The following TTC23 variants were observed in gnomAD, a reference collection of about 807,000 sequenced individuals.
TTC23 encodes the protein tetratricopeptide repeat protein 23.
In TTC23, 58 loss-of-function variants were observed where a neutral mutation model predicts 55.1. That is an observed-to-expected ratio of 1.05 (90% CI 0.85 to 1.31). TTC23 has a LOEUF of 1.31. TTC23 is among the 50% of genes most tolerant of loss of function. The pLI, the probability that TTC23 is intolerant of heterozygous loss-of-function variation, is 0.00. For missense variants in TTC23, 516 were observed against 534.4 expected (o/e 0.97, Z 0.34); for synonymous variants, 203 against 199.9 (o/e 1.02, Z -0.13).
At chr15:99,220,093 C>T (rs563330865) in intron 6 of TTC23, among the ~76,000 whole-genome samples, 1 of 152,134 alleles carries the variant, frequency 6.6e-6, no homozygotes, top group Admixed American at 6.6e-5. Context: ...CTGAAGGAAC[C>T]TGAACTCAAT....
chr15:99,194,297 G>A (rs964821840), intron 9 of TTC23, among the ~76,000 whole-genome samples: 1 of 152,058 alleles, frequency 6.6e-6, no homozygotes, highest in Non-Finnish European at 1.5e-5. Flanking sequence ...AATAGCCAAT[G>A]AAATATGGAA....
At chr15:99,199,849 C>A in intron 9 of TTC23, 70 bp downstream of exon 9, 1 of 1,446,150 alleles carries the variant, frequency 6.9e-7, no homozygotes. Context: ...TTCAGAGCTG[C>A]TGTGCCACTT....
rs562399689 is a variant in TTC23 at position 99,228,011 on chromosome 15, TC to T, written c.180+521del. ...TCTATCTTCCCAACCAAATCCCGAG[TC>T]CCTCCAAGACAAAGACTGTGGCTTT... On this transcript the variant is annotated intron_variant, in intron 5 of 13. Transcript: ENST00000394132. Among the ~76,000 whole-genome samples the T allele has an allele frequency of 1.0e-3, 159 of 152,126 alleles. 1 individual carries two copies. The highest frequency in any genetic ancestry group is 3.7e-3 in the African/African-American group (152 of 41,480).
intron 10 of TTC23, among the ~76,000 whole-genome samples, chr15:99,163,211 G>C (rs1446909882): frequency 2.0e-5 from 3 of 152,220 alleles, no homozygotes; most frequent in Admixed American, 1.3e-4. Flanking sequence ...GCTGGTAGCA[G>C]AAAAGGAAGT....
chr15:99,190,115 G>C (rs2075102790), intron 9 of TTC23, among the ~76,000 whole-genome samples: 1 of 152,060 alleles, frequency 6.6e-6, no homozygotes, highest in Admixed American at 6.6e-5. Flanking sequence ...GGGAGGGCGA[G>C]GCTGCAGTGA....
chr15:99,150,952 C>T (rs542872877), intron 12 of TTC23, among the ~76,000 whole-genome samples: 9 of 152,314 alleles, frequency 5.9e-5, no homozygotes, highest in Non-Finnish European at 1.2e-4. Context: ...ACCCACCAGC[C>T]TGGGAATTCC....
chr15:99,165,752 T>C (rs1228859823), intron 10 of TTC23, among the ~76,000 whole-genome samples: 3 of 152,216 alleles, frequency 2.0e-5, no homozygotes, highest in Non-Finnish European at 4.4e-5. Flanking sequence ...GAGAAAACGT[T>C]GCAGATTTAA....
intron 12 of TTC23, among the ~76,000 whole-genome samples, chr15:99,145,875 G>C (rs1281029607): frequency 6.6e-6 from 1 of 152,116 alleles, no homozygotes; most frequent in Non-Finnish European, 1.5e-5. Flanking sequence ...GGAGATGAAG[G>C]AGAAAGGGGG....
chr15:99,219,180 G>A, intron 6 of TTC23, 132 bp from the exon 7 acceptor site: 1 of 1,016,830 alleles, frequency 9.8e-7, no homozygotes, highest in South Asian at 1.9e-5. Context: ...ACGTATCTGG[G>A]CAGCATGAAA....
At position 99,218,584 on chromosome 15, in the gene TTC23, T is replaced by A; in HGVS notation, c.581+4A>T. 1.2e-6 allele frequency: 2 copies of A among 1,614,152 alleles called. No individual in the cohort carries two copies. Among genetic ancestry groups the A allele is most frequent in the South Asian group, 1.1e-5 (1 of 91,074 alleles). ...GTATGCAAAATCCTAAACTTGAAAC[T>A]TACTGTGCAAATGATAATCTGATCC... On this transcript the variant is annotated splice_donor_region_variant and intron_variant, in intron 8 of 13. Coordinates refer to ENST00000394132, the MANE Select transcript of TTC23 (RefSeq NM_001288615.3).
intron 11 of TTC23, 66 bp downstream of exon 11, chr15:99,161,674 G>A: frequency 6.4e-7 from 1 of 1,550,754 alleles, no homozygotes; most frequent in South Asian, 1.2e-5. Context: ...TGCTTGCAGA[G>A]TAAAGGAGTT....
At position 99,137,888 on chromosome 15, in the gene TTC23, A is replaced by G; in HGVS notation, c.*122T>C. 1 of 1,493,352 alleles carries G rather than the reference A, an allele frequency of 6.7e-7. No homozygotes were observed. The highest frequency in any genetic ancestry group is 9.1e-7 in the Non-Finnish European group (1 of 1,104,100). The allele number at this position is 1,493,352 out of a possible 1,614,324, so 92.5% of individuals were successfully genotyped here. A position where few individuals can be genotyped will look rare whatever the true frequency, so the allele number is the denominator to read the frequency against. ...GTCTCACTGTTGCATGTTGGGGCCA[A>G]CAGTTGGCCTTGGAAATCTGTATCC... On this transcript the variant is annotated 3_prime_UTR_variant, in exon 14 of 14. Coordinates refer to ENST00000394132, the MANE Select transcript of TTC23 (RefSeq NM_001288615.3).
intron 8 of TTC23, among the ~76,000 whole-genome samples, chr15:99,213,526 A>G (rs1042773845): frequency 6.6e-6 from 1 of 152,224 alleles, no homozygotes; most frequent in Non-Finnish European, 1.5e-5. Context: ...AACAAATATT[A>G]TATCTTGGAG....
upstream of TTC23, chr15:99,249,716 A>G (rs2080561188): frequency 6.6e-6 from 1 of 152,182 alleles, no homozygotes; most frequent in South Asian, 2.1e-4. Flanking sequence ...TTTCCTTGGA[A>G]TTTTCTTAAA....
chr15:99,228,748 AAAAC>A lies in TTC23; in HGVS notation c.-20-20_-20-17del. The stretch of plus-strand genomic sequence containing the variant: ...ACATTGTCTTCTAATTTTAAAATAA[AAAAC>A]AAAGATGTTAAATGATAATTTCCAT... On this transcript the variant is annotated splice_polypyrimidine_tract_variant and intron_variant, in intron 4 of 13. Coordinates refer to ENST00000394132, the MANE Select transcript of TTC23 (RefSeq NM_001288615.3). 6.7e-7 allele frequency: 1 copy of A among 1,500,336 alleles called. No individual in the cohort carries two copies. Among genetic ancestry groups the A allele is most frequent in the African/African-American group, 1.4e-5 (1 of 71,188 alleles). The allele number at this position is 1,500,336 out of a possible 1,614,324, so 92.9% of individuals were successfully genotyped here.
intron 4 of TTC23, among the ~76,000 whole-genome samples, chr15:99,232,410 C>T (rs999024380): frequency 5.3e-5 from 8 of 149,598 alleles, no homozygotes; most frequent in African/African-American, 7.4e-5. Context: ...ACTTGGGAGG[C>T]GGAGGTTGCA....
chr15:99,231,949 T>C (rs1195705563), intron 4 of TTC23, among the ~76,000 whole-genome samples: 1 of 151,746 alleles, frequency 6.6e-6, no homozygotes, highest in Non-Finnish European at 1.5e-5. Context: ...TGCGCCACCA[T>C]GCCTGGCTAA....
intron 9 of TTC23, among the ~76,000 whole-genome samples, chr15:99,199,547 A>G (rs761614849): frequency 3.3e-5 from 5 of 151,972 alleles, no homozygotes; most frequent in African/African-American, 9.7e-5. Flanking sequence ...GAGGAATCTT[A>G]TAAAGTAGAC....
In TTC23 at chr15:99,214,364, C is replaced by T. The variant is rs138024965; in HGVS notation, c.581+4224G>A. On this transcript the variant is annotated intron_variant, in intron 8 of 13. Transcript: ENST00000394132. ...CTACTAAAAAATACAAAAAATTAGC[C>T]AGGCGTGGTGGTGGGTGCCTGTAGT... 3.8e-3 allele frequency among the ~76,000 whole-genome samples: 581 copies of T among 152,052 alleles called. 26 individuals carry two copies. In the East Asian group the frequency reaches 0.098, roughly 26 times the overall value.
Sources: gnomAD v4.1 joint callset for allele counts (sites outside exome capture counted in the v4.1 genomes callset) on GRCh38, gnomAD v4.1.1 for gene constraint, MANE v1.5 for transcripts, NCBI Gene and HGNC (gene_info 2026-07-23, HGNC 2026-07-21) for gene names.